TXLNB: variants seen among roughly 807,000 people sequenced by gnomAD.
TXLNB encodes beta-taxilin.
Under a neutral mutation model 57.4 loss-of-function variants are expected in TXLNB, and 37 were observed. The ratio of observed to expected loss-of-function variants is 0.64; its 90% CI spans 0.50 to 0.85. The LOEUF (loss-of-function observed/expected upper bound fraction) is 0.85. TXLNB is among the 40% of genes least tolerant of loss of function. TXLNB has a pLI of 0.00. For synonymous variants in TXLNB, 302 were observed against 309.6 expected (o/e 0.98, Z 0.26); for missense variants, 848 against 825.6 (o/e 1.03, Z -0.33).
At chr6:139,228,682 G>T in the TXLNB span, among the ~76,000 whole-genome samples, 2 of 152,062 alleles carry the variant, frequency 1.3e-5, no homozygotes, top group African/African-American at 4.8e-5. Context: ...CTCTTGGTAG[G>T]CAGAATTACA....
At chr6:139,313,764 G>A in the TXLNB span, among the ~76,000 whole-genome samples, 1 of 152,036 alleles carries the variant, frequency 6.6e-6, no homozygotes, top group Admixed American at 6.6e-5. Flanking sequence ...TCACAAAATA[G>A]GATCTCAAAC....
chr6:139,311,785 A>G, the TXLNB span, among the ~76,000 whole-genome samples: 1 of 152,162 alleles, frequency 6.6e-6, no homozygotes, highest in Admixed American at 6.5e-5. Flanking sequence ...TTCCGGCACA[A>G]CAGCAAAGTA....
the TXLNB span, among the ~76,000 whole-genome samples, chr6:139,218,893 C>T: frequency 5.3e-5 from 8 of 152,236 alleles, no homozygotes; most frequent in African/African-American, 1.9e-4. Context: ...AAGCTGGTTC[C>T]CCCAAATTCC....
chr6:139,205,375 C>T, the TXLNB span, among the ~76,000 whole-genome samples: 46 of 152,240 alleles, frequency 3.0e-4, 1 homozygote, highest in African/African-American at 1.1e-3. Context: ...AATCCACCCG[C>T]CTCAGCCTCC....
chr6:139,310,895 A>G, the TXLNB span, among the ~76,000 whole-genome samples: 25,339 of 152,098 alleles, frequency 0.17, 2,666 homozygotes, highest in African/African-American at 0.29. Flanking sequence ...GGGTTTCACC[A>G]TGTTGGCCAG....
chr6:139,181,896 T>C, the TXLNB span, among the ~76,000 whole-genome samples: 1 of 152,242 alleles, frequency 6.6e-6, no homozygotes, highest in Non-Finnish European at 1.5e-5. Context: ...GCTGTTCTTT[T>C]ATGTGCACAA....
the TXLNB span, among the ~76,000 whole-genome samples, chr6:139,163,870 A>T: frequency 6.6e-6 from 1 of 151,642 alleles, no homozygotes. Context: ...TGGGTGAGTG[A>T]CTCCACATCT....
At position 139,242,775 on chromosome 6, in the gene TXLNB, C is replaced by T. The variant is rs770521347; in HGVS notation, c.1806G>A (p.Ala602=). ...AAGCTTCTGCCTCTGGCTTCCAGGA[C>T]GCCTGATCAGCCTGTGCTCCAACAG... is the stretch of plus-strand genomic sequence containing the variant. ...GLPVGAQADQ[A]SWKPEAEASG... The change falls in exon 10 of 10, where the codon GCG becomes GCA. Residue 602 remains alanine, a synonymous_variant. Transcript: ENST00000358430. 8 of 1,614,012 alleles carry T rather than the reference C, an allele frequency of 5.0e-6. No homozygotes were observed. The highest frequency in any genetic ancestry group is 5.9e-6 in the Non-Finnish European group (7 of 1,180,020).
chr6:139,233,489 T>C, the TXLNB span, among the ~76,000 whole-genome samples: 2 of 151,532 alleles, frequency 1.3e-5, no homozygotes, highest in South Asian at 4.2e-4. Flanking sequence ...CCAGGCTAGA[T>C]ACAGTGGCAG....
chr6:139,186,532 C>CT, the TXLNB span, among the ~76,000 whole-genome samples: 2 of 152,196 alleles, frequency 1.3e-5, no homozygotes, highest in African/African-American at 4.8e-5. Context: ...AATTGGGACT[C>CT]TATTACACTG....
intron 6 of TXLNB, 61 bp downstream of exon 6, chr6:139,260,257 C>T (rs1776446361): frequency 1.9e-6 from 3 of 1,556,200 alleles, no homozygotes; most frequent in Admixed American, 2.0e-5. Flanking sequence ...AAACAACTTG[C>T]TCAGAGTGTC....
chr6:139,204,928 C>A, the TXLNB span, among the ~76,000 whole-genome samples: 1 of 152,152 alleles, frequency 6.6e-6, no homozygotes, highest in Non-Finnish European at 1.5e-5. Flanking sequence ...CTGAGAACCA[C>A]CCCCCATCCC....
chr6:139,312,983 A>T, the TXLNB span, among the ~76,000 whole-genome samples: 1 of 152,080 alleles, frequency 6.6e-6, no homozygotes, highest in East Asian at 1.9e-4. Flanking sequence ...TGAAGCCCAA[A>T]TTCTAGCCAC....
chr6:139,320,110 TA>T, the TXLNB span, among the ~76,000 whole-genome samples: 1 of 152,148 alleles, frequency 6.6e-6, no homozygotes, highest in African/African-American at 2.4e-5. Flanking sequence ...GGTATTAAAT[TA>T]TTAACTCTTT....
intron 8 of TXLNB, 55 bp downstream of exon 8, chr6:139,247,762 T>C (rs1401152697): frequency 1.8e-5 from 23 of 1,295,514 alleles, no homozygotes; most frequent in East Asian, 2.4e-5. Context: ...CCAAAGGAAA[T>C]TTGCCTGTCA....
chr6:139,211,167 C>A, the TXLNB span, among the ~76,000 whole-genome samples: 1 of 152,194 alleles, frequency 6.6e-6, no homozygotes, highest in Admixed American at 6.5e-5. Context: ...GATCTGAGAA[C>A]GGGCAGACTG....
At chr6:139,231,765 G>T in the TXLNB span, among the ~76,000 whole-genome samples, 1 of 152,052 alleles carries the variant, frequency 6.6e-6, no homozygotes, top group East Asian at 1.9e-4. Flanking sequence ...AGTTAACTGA[G>T]GCCCAGAGAT....
the TXLNB span, among the ~76,000 whole-genome samples, chr6:139,309,927 T>C: frequency 6.6e-6 from 1 of 152,156 alleles, no homozygotes; most frequent in East Asian, 1.9e-4. Context: ...GATTACCATA[T>C]GCAAAAGAAT....
At chr6:139,164,078 A>ACTCTCTCTCTCTCT in the TXLNB span, among the ~76,000 whole-genome samples, 22 of 78,546 alleles carry the variant, frequency 2.8e-4, no homozygotes, top group Non-Finnish European at 4.3e-4. Context: ...ACACACACAC[A>ACTCTCTCTCTCTCT]CACTCTCTCT....
Sources: gnomAD v4.1 joint callset for allele counts (sites outside exome capture counted in the v4.1 genomes callset) on GRCh38, gnomAD v4.1.1 for gene constraint, MANE v1.5 for transcripts, NCBI Gene and HGNC (gene_info 2026-07-23, HGNC 2026-07-21) for gene names.